The following GPM6A variants were observed in gnomAD, a reference collection of about 807,000 sequenced individuals.
The protein encoded by GPM6A is neuronal membrane glycoprotein M6-a.
A neutral mutation model predicts 32.1 loss-of-function variants in GPM6A; 7 were observed. That is an observed-to-expected ratio of 0.22 (90% CI 0.12 to 0.41). The LOEUF (loss-of-function observed/expected upper bound fraction) is 0.41, where lower values mean the gene tolerates loss of function less well. GPM6A is among the 10% of genes least tolerant of loss of function. The pLI is 1.00. For missense variants in GPM6A, 235 were observed against 347.2 expected, an observed-to-expected ratio of 0.68 and a Z score of 2.57; for synonymous variants, 130 against 123.4, an observed-to-expected ratio of 1.05 and a Z score of -0.35.
intron 1 of GPM6A, among the ~76,000 whole-genome samples, chr4:175,852,977 G>T (rs768112563): frequency 4.6e-5 from 7 of 151,866 alleles, no homozygotes; most frequent in Non-Finnish European, 8.8e-5. Flanking sequence ...CATTAACATT[G>T]TACCCCAAAT....
chr4:175,661,293 G>A (rs1283847714), intron 3 of GPM6A, among the ~76,000 whole-genome samples: 1 of 152,030 alleles, frequency 6.6e-6, no homozygotes, highest in East Asian at 1.9e-4. Flanking sequence ...AATTAGCCAG[G>A]TGTGGTGGCA....
chr4:175,994,963 A>G (rs531745169), intron 1 of GPM6A, among the ~76,000 whole-genome samples: 1 of 152,298 alleles, frequency 6.6e-6, no homozygotes, highest in East Asian at 1.9e-4. Flanking sequence ...TTAAGGAACC[A>G]CTTTCATTAT....
chr4:175,644,970 G>A (rs1468861342), intron 4 of GPM6A, among the ~76,000 whole-genome samples: 2 of 152,008 alleles, frequency 1.3e-5, no homozygotes, highest in Admixed American at 6.5e-5. Context: ...TTAGCCAGGC[G>A]TGGTGGTGGT....
intron 6 of GPM6A, 129 bp downstream of exon 6, chr4:175,639,999 CT>C (rs1420255014): frequency 2.0e-5 from 16 of 793,396 alleles, no homozygotes; most frequent in Non-Finnish European, 2.3e-5. Context: ...GTTTTCCCTA[CT>C]TTTTTTAATC....
chr4:175,887,511 A>C (rs1474128371), intron 1 of GPM6A, among the ~76,000 whole-genome samples: 1 of 151,918 alleles, frequency 6.6e-6, no homozygotes, highest in African/African-American at 2.4e-5. Context: ...ACAAAATACA[A>C]GGAAAAACAC....
At chr4:175,677,860 C>T (rs752971293) in intron 2 of GPM6A, among the ~76,000 whole-genome samples, 2 of 152,066 alleles carry the variant, frequency 1.3e-5, no homozygotes, top group African/African-American at 2.4e-5. Context: ...TCATGAAAAA[C>T]GTGGTCACAG....
intron 1 of GPM6A, among the ~76,000 whole-genome samples, chr4:175,719,920 C>T (rs1746027077): frequency 6.6e-6 from 1 of 152,152 alleles, no homozygotes; most frequent in Non-Finnish European, 1.5e-5. Flanking sequence ...AGTTCAAAGT[C>T]CCTCATAAAT....
At chr4:175,696,566 G>A (rs1744592374) in intron 2 of GPM6A, among the ~76,000 whole-genome samples, 1 of 152,106 alleles carries the variant, frequency 6.6e-6, no homozygotes. Flanking sequence ...TTTCTAACAT[G>A]AGTTCTAGTT....
At chr4:175,649,842 T>C (rs1471589611) in intron 4 of GPM6A, among the ~76,000 whole-genome samples, 2 of 152,182 alleles carry the variant, frequency 1.3e-5, no homozygotes, top group Non-Finnish European at 2.9e-5. Flanking sequence ...TAATAAAAAA[T>C]ATAGTTTGTT....
At chr4:175,900,615 G>A (rs1439794742) in intron 1 of GPM6A, among the ~76,000 whole-genome samples, 2 of 152,034 alleles carry the variant, frequency 1.3e-5, no homozygotes, top group Non-Finnish European at 2.9e-5. Context: ...CAAAAGATAG[G>A]CAATAACAAA....
intron 1 of GPM6A, among the ~76,000 whole-genome samples, chr4:175,966,676 C>A (rs965857529): frequency 6.6e-6 from 1 of 151,914 alleles, no homozygotes; most frequent in African/African-American, 2.4e-5. Context: ...CCAAACCATG[C>A]TGGCATCCTG....
At chr4:175,870,189 C>G (rs2111436956) in intron 1 of GPM6A, among the ~76,000 whole-genome samples, 1 of 152,292 alleles carries the variant, frequency 6.6e-6, no homozygotes, top group African/African-American at 2.4e-5. Context: ...TTTCCTTGAG[C>G]CAGAATACAG....
chr4:175,853,985 A>G (rs1325718912), intron 1 of GPM6A, among the ~76,000 whole-genome samples: 2 of 152,204 alleles, frequency 1.3e-5, no homozygotes, highest in Admixed American at 6.5e-5. Flanking sequence ...AATATCTCAC[A>G]AGGTTAAAAC....
upstream of GPM6A, among the ~76,000 whole-genome samples, chr4:175,816,578 GA>G (rs1390808846): frequency 6.6e-6 from 1 of 152,152 alleles, no homozygotes; most frequent in East Asian, 1.9e-4. Context: ...AAGTGAGGGG[GA>G]AAAATGTTCG....
At chr4:175,983,676 A>G (rs1740881619) in intron 1 of GPM6A, among the ~76,000 whole-genome samples, 1 of 152,176 alleles carries the variant, frequency 6.6e-6, no homozygotes, top group South Asian at 2.1e-4. Context: ...TATTGGTTTC[A>G]ATTTGCTTAA....
At chr4:175,844,512 T>C (rs573576339) in intron 1 of GPM6A, among the ~76,000 whole-genome samples, 4 of 152,216 alleles carry the variant, frequency 2.6e-5, no homozygotes, top group Non-Finnish European at 5.9e-5. Context: ...GATTTGTTCA[T>C]TTTAGGTTTC....
chr4:175,696,342 C>T (rs75921327), intron 2 of GPM6A, among the ~76,000 whole-genome samples: 7,163 of 152,238 alleles, frequency 0.047, 198 homozygotes, highest in Non-Finnish European at 0.063. Flanking sequence ...GGAACAAGCT[C>T]AGGGGAGTTT....
intron 1 of GPM6A, among the ~76,000 whole-genome samples, chr4:175,971,126 T>G (rs1249052531): frequency 6.6e-6 from 1 of 152,186 alleles, no homozygotes; most frequent in African/African-American, 2.4e-5. Context: ...TTTTATTAAC[T>G]CTATTTTAAA....
intron 1 of GPM6A, among the ~76,000 whole-genome samples, chr4:175,968,595 A>G (rs1053232270): frequency 6.6e-5 from 10 of 152,188 alleles, no homozygotes; most frequent in African/African-American, 2.2e-4. Context: ...AGAACAGATA[A>G]CCCAATTAAA....
Sources: allele counts gnomAD v4.1 joint callset (sites outside exome capture counted in the v4.1 genomes callset), GRCh38; gene constraint gnomAD v4.1.1; transcripts MANE v1.5; gene names NCBI Gene and HGNC (gene_info 2026-07-23, HGNC 2026-07-21).